Variants in HPGDS observed in about 807,000 individuals in gnomAD.
HPGDS encodes the protein GST class-sigma.
A neutral mutation model predicts 23.1 loss-of-function variants in HPGDS; 26 were observed. The observed-to-expected ratio is 1.13, with a 90% confidence interval of 0.83 to 1.56. HPGDS has a LOEUF of 1.56. Ranked by LOEUF, HPGDS falls within the 40% of genes most tolerant of loss-of-function variation. The pLI is 0.00. For missense variants in HPGDS, 268 were observed against 236.4 expected, an observed-to-expected ratio of 1.13 and a Z score of -0.88; for synonymous variants, 95 against 77.9, an observed-to-expected ratio of 1.22 and a Z score of -1.16.
chr4:94,317,059 A>G (rs1172911798), intron 3 of HPGDS, among the ~76,000 whole-genome samples: 1 of 152,202 alleles, frequency 6.6e-6, no homozygotes, highest in South Asian at 2.1e-4. Flanking sequence ...ACACTATTTC[A>G]TTCCAAAATG....
At chr4:94,336,061 C>G (rs1380676265) in intron 1 of HPGDS, among the ~76,000 whole-genome samples, 1 of 151,956 alleles carries the variant, frequency 6.6e-6, no homozygotes, top group African/African-American at 2.4e-5. Context: ...CAAAAATTAG[C>G]CAGGTGTGGT....
chr4:94,342,517 T>C (rs1578149529), intron 1 of HPGDS, among the ~76,000 whole-genome samples: 1 of 152,212 alleles, frequency 6.6e-6, no homozygotes, highest in East Asian at 1.9e-4. Flanking sequence ...ACAGGATTTT[T>C]CCTCTAGCAT....
At chr4:94,340,309 CTCTTTTTTTTTTTTTTTTTTTT>C (rs1721124283) in intron 1 of HPGDS, among the ~76,000 whole-genome samples, 5 of 28,788 alleles carry the variant, frequency 1.7e-4, no homozygotes, top group Admixed American at 1.3e-3. Flanking sequence ...TTCTTTCTTT[CTCTTTTTTTTTTTTTTTTTTTT>C]TTTTTTTTTT....
At chr4:94,322,938 A>G (rs1384272080) in intron 2 of HPGDS, among the ~76,000 whole-genome samples, 7 of 152,118 alleles carry the variant, frequency 4.6e-5, no homozygotes, top group Admixed American at 1.3e-4. Context: ...CTTTAAATGT[A>G]TCCCAGAGAT....
intron 4 of HPGDS, 54 bp downstream of exon 4, chr4:94,308,580 T>A: frequency 2.3e-6 from 2 of 869,994 alleles, no homozygotes; most frequent in Non-Finnish European, 1.9e-6. Flanking sequence ...CCTAACACAA[T>A]GTCTGGCAGG....
intron 3 of HPGDS, among the ~76,000 whole-genome samples, chr4:94,315,550 A>C (rs1006724371): frequency 6.6e-6 from 1 of 152,148 alleles, no homozygotes; most frequent in East Asian, 1.9e-4. Flanking sequence ...TCTTCCTAAA[A>C]GTTTTCTCAA....
chr4:94,316,515 T>C (rs1756402072), intron 3 of HPGDS, among the ~76,000 whole-genome samples: 1 of 137,504 alleles, frequency 7.3e-6, no homozygotes, highest in African/African-American at 2.8e-5. Flanking sequence ...ATAGCGGTAG[T>C]TATGCTGCTT....
intron 3 of HPGDS, among the ~76,000 whole-genome samples, chr4:94,315,089 G>A (rs556235878): frequency 2.2e-4 from 33 of 152,206 alleles, no homozygotes; most frequent in Non-Finnish European, 4.0e-4. Flanking sequence ...GCACTTCCTG[G>A]GTGAGGCGAT....
At chr4:94,307,308 A>G (rs1002156305) in intron 4 of HPGDS, among the ~76,000 whole-genome samples, 1 of 134,956 alleles carries the variant, frequency 7.4e-6, no homozygotes, top group African/African-American at 3.0e-5. Flanking sequence ...AGGAAAACAT[A>G]AAAAAAAAAA....
At chr4:94,333,017 C>T (rs528696786) in intron 2 of HPGDS, among the ~76,000 whole-genome samples, 1 of 152,246 alleles carries the variant, frequency 6.6e-6, no homozygotes, top group African/African-American at 2.4e-5. Context: ...AATGTAAACT[C>T]ATATGTGCAA....
chr4:94,301,359 T>G (rs1367185695), intron 5 of HPGDS, among the ~76,000 whole-genome samples: 3 of 152,224 alleles, frequency 2.0e-5, no homozygotes, highest in Non-Finnish European at 2.9e-5. Flanking sequence ...TGATTATTGA[T>G]GGTCCATGCC....
rs1560598005 is a variant in HPGDS at position 94,340,311 on chromosome 4, C to CTTTTTCTTTTCTTTTTTTTTTTTTT, written c.-10+2483_-10+2484insAAAAAAAAAAAAAAGAAAAGAAAAA. ...TTTCTTTCTTTCTTTCTTTCTTTCTCTTTTTTTTTTTTTTTTTTTTTTTTT... is the reference window on the plus strand; with the variant it reads ...TTTCTTTCTTTCTTTCTTTCTTTCTCTTTTTCTTTTCTTTTTTTTTTTTTTTTTTTTTTTTTTTTTTTTTTTTTTT... On this transcript the variant is annotated intron_variant, in intron 1 of 5. Coordinates refer to ENST00000295256, the MANE Select transcript of HPGDS (RefSeq NM_014485.3). Among the ~76,000 whole-genome samples the CTTTTTCTTTTCTTTTTTTTTTTTTT allele has an allele frequency of 8.0e-4, 19 of 23,686 alleles. 5 individuals carry two copies. Among genetic ancestry groups the CTTTTTCTTTTCTTTTTTTTTTTTTT allele is most frequent in the Admixed American group, 1.2e-3 (2 of 1,634 alleles). The allele number at this position is 23,686 out of a possible 152,430, so 15.5% of individuals were successfully genotyped here.
chr4:94,321,683 T>TA (rs1756512625), intron 2 of HPGDS, among the ~76,000 whole-genome samples: 2 of 152,198 alleles, frequency 1.3e-5, no homozygotes. Context: ...TGGGGTTTTC[T>TA]AAATATACAA....
chr4:94,341,281 C>G (rs1721166264), intron 1 of HPGDS, among the ~76,000 whole-genome samples: 1 of 152,114 alleles, frequency 6.6e-6, no homozygotes. Context: ...AAATTACAAA[C>G]TTTTATAATA....
At position 94,340,318 on chromosome 4, in the gene HPGDS, T is replaced by TTTCTTTC. The variant is rs1560598030; in HGVS notation, c.-10+2476_-10+2477insGAAAGAA. On this transcript the variant is annotated intron_variant, in intron 1 of 5. Transcript: ENST00000295256. ...CTTTCTTTCTTTCTTTCTCTTTTTT[T>TTTCTTTC]TTTTTTTTTTTTTTTTTTTTTTTTT... Among the ~76,000 whole-genome samples the TTTCTTTC allele has an allele frequency of 6.9e-4, 9 of 12,998 alleles. 1 individual carries two copies. The highest frequency in any genetic ancestry group is 3.5e-3 in the African/African-American group (9 of 2,584). 8.5% of individuals were successfully genotyped at this position (12,998 alleles called of 152,430 possible). A position where few individuals can be genotyped will look rare whatever the true frequency, so the allele number is the denominator to read the frequency against.
At chr4:94,307,649 TCTC>T (rs1487705048) in intron 4 of HPGDS, among the ~76,000 whole-genome samples, 3 of 151,992 alleles carry the variant, frequency 2.0e-5, no homozygotes, top group Admixed American at 6.6e-5. Flanking sequence ...AGAATGGAAG[TCTC>T]CTAGAGAGCG....
At chr4:94,330,462 AC>A (rs1463513158) in intron 2 of HPGDS, among the ~76,000 whole-genome samples, 6 of 152,274 alleles carry the variant, frequency 3.9e-5, no homozygotes, top group Non-Finnish European at 7.4e-5. Flanking sequence ...CTTTAAAGAA[AC>A]TAGGTTTCTT....
rs758629560 is a variant in HPGDS at position 94,308,673 on chromosome 4, C to A, written c.297G>T (p.Met99Ile). ...TTTTCTCTGCCCAAGGAAAACATGA[C>A]ATGAAATCATCCAGAGTGTCCACAA... Reference protein sequence around the residue: ...DAIVDTLDDFMSCFPWAEKKQ... With the variant: ...DAIVDTLDDFISCFPWAEKKQ... Residue 99 changes from methionine to isoleucine, a missense_variant, in exon 4 of 6, where the codon ATG becomes ATT. Physicochemically the swap from Met to Ile is conservative, Grantham distance 10. Transcript: ENST00000295256. The A allele has an allele frequency of 1.9e-6, 3 of 1,608,732 alleles. No homozygotes were observed. The highest frequency in any genetic ancestry group is 3.3e-5 in the Admixed American group (2 of 59,792).
At chr4:94,325,046 G>A (rs1457212742) in intron 2 of HPGDS, among the ~76,000 whole-genome samples, 1 of 152,190 alleles carries the variant, frequency 6.6e-6, no homozygotes, top group Non-Finnish European at 1.5e-5. Context: ...GGAGTTTGCT[G>A]GAGGTCCACT....
Sources: gnomAD v4.1 joint callset for allele counts (sites outside exome capture counted in the v4.1 genomes callset) on GRCh38, gnomAD v4.1.1 for gene constraint, MANE v1.5 for transcripts, NCBI Gene and HGNC (gene_info 2026-07-23, HGNC 2026-07-21) for gene names.